PDE10A: variants seen among roughly 807,000 people sequenced by gnomAD.
PDE10A encodes the protein phosphodiesterase 10A.
A neutral mutation model predicts 97.7 loss-of-function variants in PDE10A; 39 were observed. The ratio of observed to expected loss-of-function variants is 0.40; its 90% CI spans 0.31 to 0.52. The LOEUF (loss-of-function observed/expected upper bound fraction) is 0.52, where lower values mean the gene tolerates loss of function less well. PDE10A is among the 20% of genes least tolerant of loss of function. PDE10A has a pLI of 0.56. For missense variants in PDE10A, 731 were observed against 1,047.8 expected, an observed-to-expected ratio of 0.70 and a Z score of 4.17; for synonymous variants, 371 against 376.8, an observed-to-expected ratio of 0.98 and a Z score of 0.18.
chr6:165,719,698 A>G (rs1338488774), intron 1 of PDE10A, among the ~76,000 whole-genome samples: 1 of 152,226 alleles, frequency 6.6e-6, no homozygotes, highest in African/African-American at 2.4e-5. Context: ...AGCTGATGGC[A>G]TGCTTTAAAA....
At chr6:165,476,325 G>A (rs1779296182) in intron 3 of PDE10A, among the ~76,000 whole-genome samples, 1 of 152,164 alleles carries the variant, frequency 6.6e-6, no homozygotes, top group South Asian at 2.1e-4. Context: ...TTAACAATGA[G>A]AGATTATCAA....
chr6:165,761,566 CGTGAA>C, intron 1 of PDE10A, among the ~76,000 whole-genome samples: 1 of 151,968 alleles, frequency 6.6e-6, no homozygotes, highest in Admixed American at 6.6e-5. Context: ...GAATGATCAA[CGTGAA>C]GTTAAGACAT....
At chr6:165,588,293 T>C (rs1310624713) in intron 1 of PDE10A, among the ~76,000 whole-genome samples, 7 of 146,796 alleles carry the variant, frequency 4.8e-5, no homozygotes, top group Non-Finnish European at 7.5e-5. Context: ...TTTTTTTTTT[T>C]TTTTTTTTTT....
At chr6:165,799,455 A>G (rs80047001) in intron 1 of PDE10A, among the ~76,000 whole-genome samples, 2,122 of 152,308 alleles carry the variant, frequency 0.014, 41 homozygotes, top group African/African-American at 0.049. Context: ...AAGTAACAAT[A>G]AAGTTCTTTC....
intron 17 of PDE10A, among the ~76,000 whole-genome samples, chr6:165,387,937 T>C (rs1482203534): frequency 6.6e-6 from 1 of 152,188 alleles, no homozygotes; most frequent in African/African-American, 2.4e-5. Flanking sequence ...TAAAACCTTA[T>C]ATTTAGCTAA....
chr6:165,892,778 G>A (rs986117398), intron 1 of PDE10A, among the ~76,000 whole-genome samples: 5 of 152,260 alleles, frequency 3.3e-5, no homozygotes, highest in Non-Finnish European at 4.4e-5. Context: ...AGGAATAGTC[G>A]GGAGAATTAC....
At chr6:165,937,793 T>C (rs549536119) in intron 1 of PDE10A, among the ~76,000 whole-genome samples, 1 of 152,252 alleles carries the variant, frequency 6.6e-6, no homozygotes, top group South Asian at 2.1e-4. Context: ...ACACAGATAT[T>C]ATCCAGTTCT....
At chr6:165,398,207 G>A (rs1178137050) in intron 13 of PDE10A, among the ~76,000 whole-genome samples, 1 of 152,098 alleles carries the variant, frequency 6.6e-6, no homozygotes. Context: ...CGATCCAAAT[G>A]GAATAAAGTT....
chr6:165,541,806 C>A (rs1323611573), intron 2 of PDE10A, among the ~76,000 whole-genome samples: 1 of 152,030 alleles, frequency 6.6e-6, no homozygotes, highest in African/African-American at 2.4e-5. Flanking sequence ...TTTATTATTT[C>A]TCTTCTCCCC....
rs1430713752 is a variant in PDE10A, at chr6:165,814,059, C to G, written c.-615+173470G>C. On this transcript the variant is annotated intron_variant, in intron 1 of 19. Transcript: ENST00000366882. ...TCTAGAGTAGGGTGGATGAAGCAAA[C>G]AGATTTGAGTTGATACAAAGGTGTC... Among the ~76,000 whole-genome samples the G allele has an allele frequency of 2.0e-5, 3 of 152,268 alleles. No homozygotes were observed. In the East Asian group the frequency reaches 5.8e-4, roughly 29 times the overall value.
chr6:165,374,703 C>T (rs561527511), intron 18 of PDE10A, among the ~76,000 whole-genome samples: 48 of 149,832 alleles, frequency 3.2e-4, no homozygotes, highest in African/African-American at 1.1e-3. Context: ...TCCAGGCATA[C>T]ATTGTTTTAT....
At chr6:165,981,698 G>T (rs899055052) in intron 1 of PDE10A, among the ~76,000 whole-genome samples, 1 of 152,188 alleles carries the variant, frequency 6.6e-6, no homozygotes. Flanking sequence ...TTTAAAAAAT[G>T]TCTAAACGAT....
intron 1 of PDE10A, among the ~76,000 whole-genome samples, chr6:165,924,362 G>A (rs57209816): frequency 3.8e-4 from 58 of 152,250 alleles, no homozygotes; most frequent in Middle Eastern, 6.8e-3. Context: ...TACAGTTCAT[G>A]GTTCCTATGT....
intron 18 of PDE10A, among the ~76,000 whole-genome samples, chr6:165,364,849 T>C (rs1354249238): frequency 6.6e-6 from 1 of 152,078 alleles, no homozygotes; most frequent in Non-Finnish European, 1.5e-5. Context: ...ATTAGAAAAT[T>C]ACTTTGAAAT....
chr6:165,510,301 C>T (rs1157217812), intron 2 of PDE10A, among the ~76,000 whole-genome samples: 1 of 151,716 alleles, frequency 6.6e-6, no homozygotes, highest in Non-Finnish European at 1.5e-5. Context: ...ATATGGTTTT[C>T]GTCCTTCATT....
intron 1 of PDE10A, among the ~76,000 whole-genome samples, chr6:165,625,861 G>C (rs1299759965): frequency 6.6e-6 from 1 of 152,116 alleles, no homozygotes; most frequent in South Asian, 2.1e-4. Context: ...GCATGGAAAC[G>C]GACTCACACA....
At chr6:165,864,674 G>T (rs1360200295) in intron 1 of PDE10A, among the ~76,000 whole-genome samples, 2 of 152,120 alleles carry the variant, frequency 1.3e-5, no homozygotes, top group African/African-American at 2.4e-5. Flanking sequence ...CCATCAAAAA[G>T]ATTAAGACAT....
chr6:165,945,452 C>T (rs775385502), intron 1 of PDE10A, among the ~76,000 whole-genome samples: 1 of 152,142 alleles, frequency 6.6e-6, no homozygotes, highest in Non-Finnish European at 1.5e-5. Flanking sequence ...CTTTGTGTCC[C>T]CACACCCCAA....
At chr6:165,407,328 T>G (rs1284707447) in intron 13 of PDE10A, among the ~76,000 whole-genome samples, 1 of 152,198 alleles carries the variant, frequency 6.6e-6, no homozygotes, top group Non-Finnish European at 1.5e-5. Context: ...ACCCTGGCTC[T>G]ATCACATACT....
Sources: allele counts gnomAD v4.1 joint callset (sites outside exome capture counted in the v4.1 genomes callset), GRCh38; gene constraint gnomAD v4.1.1; transcripts MANE v1.5; gene names NCBI Gene and HGNC (gene_info 2026-07-23, HGNC 2026-07-21).